The following LRPAP1 variants were observed in gnomAD, a reference collection of about 807,000 sequenced individuals.
LRPAP1 encodes alpha-2-macroglobulin receptor-associated protein.
A neutral mutation model predicts 39.9 loss-of-function variants in LRPAP1; 41 were observed. That is an observed-to-expected ratio of 1.03 (90% confidence interval 0.80 to 1.33). LRPAP1 has a LOEUF of 1.33. Among genes scored for constraint, LRPAP1 ranks in the 40% most tolerant of loss-of-function variants. The pLI is 0.00. For missense variants in LRPAP1, 565 were observed against 482.3 expected (o/e 1.17, Z -1.61); for synonymous variants, 263 against 212.7 (o/e 1.24, Z -2.06).
chr4:3,522,695 G>A (rs1341907511), intron 2 of LRPAP1, among the ~76,000 whole-genome samples: 2 of 139,992 alleles, frequency 1.4e-5, no homozygotes, highest in Admixed American at 1.4e-4. Flanking sequence ...GGGGAGGACA[G>A]ACGCCGCCCC....
intron 2 of LRPAP1, among the ~76,000 whole-genome samples, chr4:3,523,186 C>T (rs777149858): frequency 6.6e-6 from 1 of 152,184 alleles, no homozygotes; most frequent in Non-Finnish European, 1.5e-5. Context: ...TAGCCCACTT[C>T]TGTGCCCCCT....
chr4:3,510,007 C>T lies in LRPAP1; in HGVS notation c.*2967G>A, dbSNP rs953534356. ...CATGTTTTTTTGGTAGAAATTGAGA[C>T]ACTGATTGTAAAACATATATGGAAA... On this transcript the variant is annotated 3_prime_UTR_variant, in exon 8 of 8. Coordinates refer to ENST00000650182, the MANE Select transcript of LRPAP1 (RefSeq NM_002337.4). The T allele has an allele frequency of 2.6e-5, 4 of 152,206 alleles. No homozygotes were observed. The highest frequency in any genetic ancestry group is 2.0e-4 in the Admixed American group (3 of 15,280). 9.4% of individuals were successfully genotyped at this position (152,206 alleles called of 1,614,324 possible). A position where few individuals can be genotyped will look rare whatever the true frequency, so the allele number is the denominator to read the frequency against.
intron 1 of LRPAP1, among the ~76,000 whole-genome samples, chr4:3,529,261 T>C (rs929788986): frequency 6.6e-6 from 1 of 151,792 alleles, no homozygotes; most frequent in Non-Finnish European, 1.5e-5. Flanking sequence ...AGGCGGAGGT[T>C]GCAGTGAGCC....
intron 2 of LRPAP1, among the ~76,000 whole-genome samples, chr4:3,524,216 C>T (rs945043636): frequency 2.0e-5 from 3 of 152,172 alleles, no homozygotes; most frequent in Admixed American, 6.5e-5. Flanking sequence ...AAGGAACAGT[C>T]GCAACTCTGT....
intron 1 of LRPAP1, among the ~76,000 whole-genome samples, chr4:3,527,487 G>C (rs1207188332): frequency 6.6e-6 from 1 of 152,220 alleles, no homozygotes; most frequent in Non-Finnish European, 1.5e-5. Flanking sequence ...GGAGGAACAG[G>C]TCTGCTTCCA....
chr4:3,515,637 T>G (rs1729668551), intron 6 of LRPAP1, among the ~76,000 whole-genome samples: 1 of 152,132 alleles, frequency 6.6e-6, no homozygotes, highest in Admixed American at 6.5e-5. Flanking sequence ...CTCACAGCCC[T>G]GCTGGGTGCT....
intron 2 of LRPAP1, among the ~76,000 whole-genome samples, chr4:3,521,229 T>C (rs561089719): frequency 6.6e-6 from 1 of 152,288 alleles, no homozygotes; most frequent in East Asian, 1.9e-4. Flanking sequence ...TCCCACAGAA[T>C]GGGGTCCTGC....
chr4:3,531,896 T>A (rs967610442), intron 1 of LRPAP1: 11 of 452,178 alleles, frequency 2.4e-5, no homozygotes, highest in Admixed American at 7.9e-5. Flanking sequence ...AGACCTGTGA[T>A]CTAGCCTGGT....
intron 1 of LRPAP1, among the ~76,000 whole-genome samples, chr4:3,525,687 G>A (rs905194021): frequency 8.5e-5 from 13 of 152,050 alleles, no homozygotes; most frequent in African/African-American, 3.1e-4. Flanking sequence ...GAACTTCCCC[G>A]CCCCACCCTC....
Position 3,520,153 on chromosome 4 carries a change from A to G in LRPAP1, c.390T>C (p.Ala130=). The change falls in exon 3 of 8, where the codon GCT becomes GCC. Residue 130 remains alanine, a synonymous_variant. Coordinates refer to ENST00000650182, the MANE Select transcript of LRPAP1 (RefSeq NM_002337.4). ...TGAGGGAGTTGCTGGTCACCTGCCGAGCGTCCTTCTTTCCGTCCAGACCAT... is the reference window on the plus strand; with the variant it reads ...TGAGGGAGTTGCTGGTCACCTGCCGGGCGTCCTTCTTTCCGTCCAGACCAT... ...AKYGLDGKKD[A]RQVTSNSLSG... is the part of the protein sequence containing the mutation. The G allele has an allele frequency of 6.2e-7, 1 of 1,614,152 alleles. No individual in the cohort carries two copies. The highest frequency in any genetic ancestry group is 8.5e-7 in the Non-Finnish European group (1 of 1,180,024).
At chr4:3,522,958 T>C (rs1729965674) in intron 2 of LRPAP1, among the ~76,000 whole-genome samples, 1 of 151,752 alleles carries the variant, frequency 6.6e-6, no homozygotes, top group African/African-American at 2.4e-5. Flanking sequence ...ACCTCGGGGG[T>C]CCAGGGACCA....
intron 3 of LRPAP1, among the ~76,000 whole-genome samples, chr4:3,519,593 C>T (rs971809867): frequency 5.9e-5 from 9 of 152,206 alleles, no homozygotes; most frequent in East Asian, 1.9e-4. Flanking sequence ...GGGGGAGCTG[C>T]GGCAGGTAAA....
chr4:3,520,556 G>A (rs1425556137), intron 2 of LRPAP1, among the ~76,000 whole-genome samples: 3 of 152,352 alleles, frequency 2.0e-5, no homozygotes, highest in African/African-American at 4.8e-5. Context: ...CGATTGGCCC[G>A]TCTTTAGCGA....
chr4:3,517,952 C>T lies in LRPAP1; in HGVS notation c.751+82G>A, dbSNP rs368652528. The T allele has an allele frequency of 7.7e-5, 116 of 1,506,438 alleles. No homozygotes were observed. In the South Asian group the frequency reaches 1.4e-3, roughly 18 times the overall value. The allele number at this position is 1,506,438 out of a possible 1,614,324, so 93.3% of individuals were successfully genotyped here. ...CCACAGGCCCAGGTTCCCGTCGCTACAAGCACCTGCCTGCTTGTCCCCAAA... is the reference window on the plus strand; with the variant it reads ...CCACAGGCCCAGGTTCCCGTCGCTATAAGCACCTGCCTGCTTGTCCCCAAA... On this transcript the variant is annotated intron_variant, in intron 5 of 7. Transcript: ENST00000650182.
At chr4:3,525,180 C>T (rs773202314) in intron 1 of LRPAP1, 129 bp from the exon 2 acceptor site, 1 of 1,021,348 alleles carries the variant, frequency 9.8e-7, no homozygotes, top group South Asian at 1.3e-5. Context: ...GTCAGGGTCA[C>T]TGTCAGCAGG....
chr4:3,513,474 A>C (rs1729596857), intron 7 of LRPAP1, among the ~76,000 whole-genome samples: 1 of 151,692 alleles, frequency 6.6e-6, no homozygotes, highest in Non-Finnish European at 1.5e-5. Context: ...CGCCCGGCTA[A>C]TTTTTTCTAC....
At chr4:3,529,231 G>T (rs1472667931) in intron 1 of LRPAP1, among the ~76,000 whole-genome samples, 1 of 152,198 alleles carries the variant, frequency 6.6e-6, no homozygotes, top group East Asian at 1.9e-4. Flanking sequence ...GCTGAGGCAC[G>T]AGAATCGCTT....
chr4:3,532,406 G>A lies in LRPAP1; in HGVS notation c.7C>T (p.Pro3Ser), dbSNP rs1314640048. 14 of 1,570,716 alleles carry A rather than the reference G, an allele frequency of 8.9e-6. No individual in the cohort carries two copies. The highest frequency in any genetic ancestry group is 4.7e-5 in the East Asian group (2 of 42,794). ...CGCAGAAACGACCTGACCCTCCGCGGCGCCATCTTCCTCTGCGACTGGCGC... is the reference window on the plus strand; with the variant it reads ...CGCAGAAACGACCTGACCCTCCGCGACGCCATCTTCCTCTGCGACTGGCGC... MAPRRVRSFLRGL... is the reference protein window; with the variant it reads MASRRVRSFLRGL... The change falls in exon 1 of 8, where the codon CCG becomes TCG. Residue 3 changes from proline (P) to serine (S), a missense_variant. Coordinates refer to ENST00000650182, the MANE Select transcript of LRPAP1 (RefSeq NM_002337.4).
chr4:3,515,977 C>T, intron 6 of LRPAP1, 139 bp downstream of exon 6: 2 of 814,144 alleles, frequency 2.5e-6, no homozygotes, highest in South Asian at 3.5e-5. Context: ...CAAGCAGGTT[C>T]ACCGAGTGGT....
Sources: gnomAD v4.1 joint callset for allele counts (sites outside exome capture counted in the v4.1 genomes callset) on GRCh38, gnomAD v4.1.1 for gene constraint, MANE v1.5 for transcripts, NCBI Gene and HGNC (gene_info 2026-07-23, HGNC 2026-07-21) for gene names.